The following CCNH variants were observed in gnomAD, a reference collection of about 807,000 sequenced individuals.
The protein encoded by CCNH is cyclin H.
A neutral mutation model predicts 41.9 loss-of-function variants in CCNH; 31 were observed. The ratio of observed to expected loss-of-function variants is 0.74; its 90% CI spans 0.56 to 1.00. The LOEUF (loss-of-function observed/expected upper bound fraction) is 1.00, where lower values mean the gene tolerates loss of function less well. Ranked by LOEUF, CCNH falls within the 50% of genes least tolerant of loss-of-function variation. CCNH has a pLI of 0.00. For synonymous variants in CCNH, 138 were observed against 136.1 expected, an observed-to-expected ratio of 1.01 and a Z score of -0.10; for missense variants, 362 against 388.4, an observed-to-expected ratio of 0.93 and a Z score of 0.57.
intron 9 of CCNH, chr5:87,353,005 T>C: frequency 1.6e-6 from 1 of 629,430 alleles, no homozygotes; most frequent in East Asian, 2.8e-5. Context: ...AATATGAATG[T>C]TATGATCATT....
intron 8 of CCNH, 91 bp downstream of exon 8, chr5:87,394,953 C>A: frequency 6.3e-7 from 1 of 1,597,268 alleles, no homozygotes; most frequent in African/African-American, 1.3e-5. Flanking sequence ...TCTATAATGC[C>A]TGTACTCTTG....
At chr5:87,383,896 C>A in intron 9 of CCNH, 1 of 913,838 alleles carries the variant, frequency 1.1e-6, no homozygotes, top group Non-Finnish European at 1.7e-6. Context: ...CTAGTCATGG[C>A]ATATATGAAG....
downstream of CCNH, among the ~76,000 whole-genome samples, chr5:87,313,933 T>G (rs1232460200): frequency 6.6e-6 from 1 of 152,112 alleles, no homozygotes; most frequent in Non-Finnish European, 1.5e-5. Context: ...TTTGGGAGGC[T>G]GAGGTGGGCG....
At chr5:87,375,935 T>A (rs1221153246), downstream of CCNH, among the ~76,000 whole-genome samples, 1 of 152,186 alleles carries the variant, frequency 6.6e-6, no homozygotes, top group Non-Finnish European at 1.5e-5. Context: ...GGCCATACCT[T>A]ATATTTGAAG....
chr5:87,384,188 C>G (rs1248233568), intron 9 of CCNH, among the ~76,000 whole-genome samples: 1 of 152,102 alleles, frequency 6.6e-6, no homozygotes, highest in Non-Finnish European at 1.5e-5. Context: ...GAATAGTATT[C>G]TGTGAGTACT....
At chr5:87,344,678 ATTTTTTTTTT>A (rs113174684) in intron 9 of CCNH, among the ~76,000 whole-genome samples, 20 of 131,210 alleles carry the variant, frequency 1.5e-4, no homozygotes, top group African/African-American at 4.5e-4. Context: ...AAATGTTGTA[ATTTTTTTTTT>A]TTTTTTTTTT....
downstream of CCNH, among the ~76,000 whole-genome samples, chr5:87,315,701 A>G (rs773297542): frequency 3.8e-4 from 58 of 152,286 alleles, no homozygotes; most frequent in Admixed American, 1.2e-3. Flanking sequence ...TGCTGTCAAG[A>G]TTATTTTATG....
chr5:87,402,804 G>C (rs1403301175), intron 5 of CCNH, among the ~76,000 whole-genome samples: 2 of 151,766 alleles, frequency 1.3e-5, no homozygotes, highest in East Asian at 3.9e-4. Context: ...TCCCATTTTT[G>C]TCATCTTCCT....
At chr5:87,374,146 TA>T (rs747412034), downstream of CCNH, 4,399 of 1,137,240 alleles carry the variant, frequency 3.9e-3, 2 homozygotes, top group Middle Eastern at 0.012. Context: ...TATATATATA[TA>T]TTTTTTTTTT....
chr5:87,388,288 A>T (rs1274530721), downstream of CCNH, among the ~76,000 whole-genome samples: 1 of 152,166 alleles, frequency 6.6e-6, no homozygotes, highest in East Asian at 1.9e-4. Context: ...TGCAGTTTTT[A>T]GCAATGTAAA....
intron 9 of CCNH, chr5:87,346,637 CTTTA>C (rs1195696330): frequency 4.3e-6 from 6 of 1,387,796 alleles, no homozygotes; most frequent in Non-Finnish European, 6.1e-6. Flanking sequence ...GCAAAAAGGA[CTTTA>C]TTTATATATC....
downstream of CCNH, chr5:87,392,034 G>C (rs747639046): frequency 4.6e-5 from 15 of 323,318 alleles, no homozygotes; most frequent in Non-Finnish European, 7.2e-5. Context: ...TGAAGCTTTA[G>C]ATTAGTATTT....
chr5:87,379,900 A>C, upstream of CCNH: 2 of 1,562,072 alleles, frequency 1.3e-6, no homozygotes, highest in Non-Finnish European at 1.8e-6. Context: ...CTATGTCTTC[A>C]GAAATTTCTA....
At chr5:87,338,533 A>ATATATATATATATATATATATATATATAT (rs1491365794) in intron 9 of CCNH, among the ~76,000 whole-genome samples, 2 of 91,314 alleles carry the variant, frequency 2.2e-5, no homozygotes, top group East Asian at 4.3e-4. Flanking sequence ...ATATATATAT[A>ATATATATATATATATATATATATATATAT]AAATTTTTTT....
intron 2 of CCNH, 106 bp downstream of exon 2, chr5:87,411,118 G>A (rs1380968638): frequency 1.7e-6 from 2 of 1,168,402 alleles, no homozygotes; most frequent in East Asian, 5.2e-5. Flanking sequence ...CTAATTAATT[G>A]TAACTAAGGT....
At position 87,412,827 on chromosome 5, in the gene CCNH, A is replaced by C; in HGVS notation, c.-33T>G. The stretch of plus-strand genomic sequence containing the variant: ...TCGTGACCAGGTCCAGAGGGTCTGC[A>C]GACGAGAACCCAAACGCATCAGCGT... On this transcript the variant is annotated 5_prime_UTR_variant, in exon 1 of 9. Coordinates refer to ENST00000256897, the MANE Select transcript of CCNH (RefSeq NM_001239.4). 6.2e-7 allele frequency: 1 copy of C among 1,603,470 alleles called. No homozygotes were observed. The highest frequency in any genetic ancestry group is 8.5e-7 in the Non-Finnish European group (1 of 1,171,580).
chr5:87,399,221 G>C (rs1763202037), intron 7 of CCNH, among the ~76,000 whole-genome samples, 173 bp downstream of exon 7: 1 of 152,184 alleles, frequency 6.6e-6, no homozygotes. Context: ...ACTGCACAGT[G>C]AATGCCGAAC....
intron 6 of CCNH, among the ~76,000 whole-genome samples, chr5:87,400,500 A>G (rs1467160127): frequency 6.6e-6 from 1 of 152,176 alleles, no homozygotes; most frequent in African/African-American, 2.4e-5. Context: ...TCAAATCACA[A>G]TTAGCTTTTA....
intron 7 of CCNH, 142 bp from the exon 8 acceptor site, chr5:87,395,246 A>G: frequency 1.7e-6 from 1 of 583,454 alleles, no homozygotes; most frequent in South Asian, 2.8e-5. Flanking sequence ...ATAAACAGCT[A>G]TGGGGTAGGG....
Sources: gnomAD v4.1 joint callset for allele counts (sites outside exome capture counted in the v4.1 genomes callset) on GRCh38, gnomAD v4.1.1 for gene constraint, MANE v1.5 for transcripts, NCBI Gene and HGNC (gene_info 2026-07-23, HGNC 2026-07-21) for gene names.